SLC4A4: variants seen among roughly 807,000 people sequenced by gnomAD.
The protein encoded by SLC4A4 is solute carrier family 4 member 4.
In SLC4A4, 27 loss-of-function variants were observed where a neutral mutation model predicts 111.5. That is an observed-to-expected ratio of 0.24 (90% CI 0.18 to 0.33). SLC4A4 has a LOEUF of 0.33. Ranked by LOEUF, SLC4A4 falls within the 10% of genes least tolerant of loss-of-function variation. The probability of loss-of-function intolerance (pLI) is 1.00; values close to 1 mark genes in which losing one functional copy is unlikely to be tolerated. For missense variants in SLC4A4, 909 were observed against 1,315.5 expected (o/e 0.69, Z 4.78); for synonymous variants, 443 against 463.4 (o/e 0.96, Z 0.57).
upstream of SLC4A4, among the ~76,000 whole-genome samples, chr4:71,184,228 G>A (rs1212534925): frequency 6.6e-6 from 1 of 152,088 alleles, no homozygotes; most frequent in Non-Finnish European, 1.5e-5. Context: ...AATAATCAAC[G>A]CAGGGCCGAT....
chr4:71,565,843 G>A (rs1292430889), intron 24 of SLC4A4, among the ~76,000 whole-genome samples: 1 of 151,768 alleles, frequency 6.6e-6, no homozygotes, highest in African/African-American at 2.4e-5. Flanking sequence ...GGGGCCCTTG[G>A]GATGACCTTT....
intron 1 of SLC4A4, among the ~76,000 whole-genome samples, chr4:71,209,149 T>C (rs2149010318): frequency 6.6e-6 from 1 of 152,296 alleles, no homozygotes. Context: ...GGGCACATAT[T>C]TTTTCCCCCC....
At chr4:71,081,809 T>A (rs1742000935) in intron 1 of SLC4A4, among the ~76,000 whole-genome samples, 1 of 152,058 alleles carries the variant, frequency 6.6e-6, no homozygotes, top group Non-Finnish European at 1.5e-5. Context: ...CAATTCTGTT[T>A]TTGAAAATAA....
chr4:71,397,489 C>A, intron 6 of SLC4A4, 88 bp from the exon 7 acceptor site: 1 of 1,116,022 alleles, frequency 9.0e-7, no homozygotes, highest in Non-Finnish European at 1.4e-6. Context: ...TTTCCATCAT[C>A]ATCTACTAAT....
chr4:71,398,147 C>T (rs1031368819), intron 7 of SLC4A4, among the ~76,000 whole-genome samples: 2 of 151,934 alleles, frequency 1.3e-5, no homozygotes, highest in Middle Eastern at 3.4e-3. Flanking sequence ...TAGCCAGGCA[C>T]GGTGGCACAG....
intron 3 of SLC4A4, among the ~76,000 whole-genome samples, chr4:71,268,415 A>G (rs770887387): frequency 3.3e-5 from 5 of 152,098 alleles, no homozygotes; most frequent in Non-Finnish European, 5.9e-5. Flanking sequence ...TGCTCCCTCA[A>G]TGTCGTCCAT....
At chr4:71,077,928 A>AT (rs1741889177) in intron 1 of SLC4A4, among the ~76,000 whole-genome samples, 1 of 152,198 alleles carries the variant, frequency 6.6e-6, no homozygotes, top group South Asian at 2.1e-4. Context: ...CTAAATATAC[A>AT]TTTTTTAGAA....
chr4:71,113,861 A>AT (rs1225737290), intron 2 of SLC4A4, among the ~76,000 whole-genome samples: 1 of 152,188 alleles, frequency 6.6e-6, no homozygotes, highest in Non-Finnish European at 1.5e-5. Context: ...TTTAGAAGCC[A>AT]TTTTTCCTGT....
intron 1 of SLC4A4, among the ~76,000 whole-genome samples, chr4:71,081,615 C>T (rs1741996377): frequency 6.6e-6 from 1 of 152,084 alleles, no homozygotes; most frequent in Non-Finnish European, 1.5e-5. Flanking sequence ...CCCTAAAGCA[C>T]AATGAGTTAG....
chr4:71,557,649 G>C (rs1736590340), intron 21 of SLC4A4, 63 bp from the exon 22 acceptor site: 1 of 1,482,118 alleles, frequency 6.7e-7, no homozygotes, highest in African/African-American at 1.4e-5. Context: ...GTAGTGATTA[G>C]TTAGGCATAG....
chr4:71,303,738 G>A (rs200569879), intron 3 of SLC4A4, among the ~76,000 whole-genome samples: 43 of 151,030 alleles, frequency 2.8e-4, no homozygotes, highest in African/African-American at 7.7e-4. Flanking sequence ...TCTTCCCTTC[G>A]TCTTCTTCTT....
chr4:71,530,801 G>A (rs1387702622), intron 16 of SLC4A4, among the ~76,000 whole-genome samples: 1 of 152,122 alleles, frequency 6.6e-6, no homozygotes, highest in Non-Finnish European at 1.5e-5. Context: ...CCTGGCTGCA[G>A]TAATACTATT....
In SLC4A4 at chr4:71,450,506, A is replaced by T. The variant is rs1725664889; in HGVS notation, c.1171A>T (p.Ile391Leu). 6.2e-7 allele frequency: 1 copy of T among 1,613,780 alleles called. No individual in the cohort carries two copies. Among genetic ancestry groups the T allele is most frequent in the Non-Finnish European group, 8.5e-7 (1 of 1,179,872 alleles). Residue 391 changes from isoleucine (I) to leucine (L), a missense_variant, in exon 10 of 26, where the codon ATA becomes TTA. Ile to Leu is a conservative substitution (Grantham distance 5). This residue lies in a region of SLC4A4 where 312 missense variants were observed against 402.0 expected (regional missense o/e 0.78). Transcript: ENST00000264485. ...PPGEWDPAIRIEPPKSLPSSD... is the reference protein window; with the variant it reads ...PPGEWDPAIRLEPPKSLPSSD... ...TGGGGAATGGGATCCAGCAATTAGG[A>T]TAGAGCCTCCTAAGAGTCTTCCATC...
At chr4:71,554,190 T>A (rs1736274421) in intron 20 of SLC4A4, among the ~76,000 whole-genome samples, 1 of 151,952 alleles carries the variant, frequency 6.6e-6, no homozygotes, top group Non-Finnish European at 1.5e-5. Flanking sequence ...AAAGCCATAC[T>A]ATGTTTTCTG....
At position 71,563,787 on chromosome 4, in the gene SLC4A4, TCA is replaced by T. The variant is rs1737205003; in HGVS notation, c.3100-3_3100-2del. Reference sequence around the variant, plus strand: ...TTCTAAAACCTCTTGTACATTTTTTTCACAGTCTGACTGCCCATACTCAGAAA... The same window carrying T: ...TTCTAAAACCTCTTGTACATTTTTTTCAGTCTGACTGCCCATACTCAGAAA... On this transcript the variant is annotated splice_region_variant and splice_polypyrimidine_tract_variant and intron_variant, in intron 23 of 25. Transcript: ENST00000264485. 1.3e-6 allele frequency: 2 copies of T among 1,580,086 alleles called. No individual in the cohort carries two copies. The highest frequency in any genetic ancestry group is 1.7e-6 in the Non-Finnish European group (2 of 1,149,820).
At chr4:71,377,594 A>G (rs1268491837) in intron 6 of SLC4A4, among the ~76,000 whole-genome samples, 1 of 152,126 alleles carries the variant, frequency 6.6e-6, no homozygotes. Context: ...GCCTAACAAC[A>G]CAGAAGTTTC....
intron 1 of SLC4A4, among the ~76,000 whole-genome samples, chr4:71,214,141 A>T (rs2149015055): frequency 6.6e-6 from 1 of 152,236 alleles, no homozygotes; most frequent in East Asian, 1.9e-4. Flanking sequence ...TGCACAGGCT[A>T]CACCTTTGGC....
chr4:71,487,449 T>G (rs1358992765), intron 15 of SLC4A4, among the ~76,000 whole-genome samples: 4 of 151,620 alleles, frequency 2.6e-5, no homozygotes, highest in Non-Finnish European at 4.4e-5. Flanking sequence ...AGCAGGACCT[T>G]TCCCCTGTCA....
At chr4:71,557,007 A>G (rs1736533249) in intron 21 of SLC4A4, among the ~76,000 whole-genome samples, 1 of 152,076 alleles carries the variant, frequency 6.6e-6, no homozygotes, top group East Asian at 1.9e-4. Flanking sequence ...TTTGAAGCAC[A>G]GCACCTGACA....
Sources: allele counts gnomAD v4.1 joint callset (sites outside exome capture counted in the v4.1 genomes callset), GRCh38; gene constraint gnomAD v4.1.1; regional missense constraint gnomAD v4.1.1; transcripts MANE v1.5; gene names NCBI Gene and HGNC (gene_info 2026-07-23, HGNC 2026-07-21).